Variants in SUCLG2 observed in about 807,000 individuals in gnomAD.
The protein encoded by SUCLG2 is succinate-CoA ligase GDP-forming subunit beta.
Under a neutral mutation model 47.9 loss-of-function variants are expected in SUCLG2, and 42 were observed. That is an observed-to-expected ratio of 0.88 (90% CI 0.69 to 1.14). SUCLG2 has a LOEUF of 1.14. SUCLG2 is among the 50% of genes most tolerant of loss of function. SUCLG2 has a pLI of 0.00. For missense variants in SUCLG2, 571 were observed against 525.9 expected (o/e 1.09, Z -0.84); for synonymous variants, 195 against 197.3 (o/e 0.99, Z 0.10).
At chr3:67,522,990 C>T (rs1041780216) in intron 4 of SUCLG2, among the ~76,000 whole-genome samples, 5 of 151,874 alleles carry the variant, frequency 3.3e-5, no homozygotes, top group African/African-American at 1.2e-4. Context: ...TTAGTAGAGA[C>T]GGGGTTTCAC....
At chr3:67,423,929 C>T (rs1456773783) in intron 9 of SUCLG2, among the ~76,000 whole-genome samples, 2 of 152,194 alleles carry the variant, frequency 1.3e-5, no homozygotes, top group Non-Finnish European at 2.9e-5. Context: ...CTGATACTAA[C>T]TATACACCAC....
intron 2 of SUCLG2, among the ~76,000 whole-genome samples, chr3:67,538,450 T>G (rs1706607693): frequency 6.6e-6 from 1 of 152,218 alleles, no homozygotes; most frequent in African/African-American, 2.4e-5. Flanking sequence ...CATGCTGTTT[T>G]GGTTCCTGTA....
At chr3:67,600,015 T>C (rs534668938) in intron 2 of SUCLG2, among the ~76,000 whole-genome samples, 100 of 152,358 alleles carry the variant, frequency 6.6e-4, no homozygotes, top group African/African-American at 2.3e-3. Flanking sequence ...CCTTGGGGAA[T>C]AGTGTAGCAT....
intron 4 of SUCLG2, among the ~76,000 whole-genome samples, chr3:67,521,536 C>T (rs895107293): frequency 6.6e-6 from 1 of 150,874 alleles, no homozygotes; most frequent in African/African-American, 2.5e-5. Context: ...GCAAGCATTG[C>T]AGTAATGGAA....
chr3:67,501,446 T>G (rs966581245), intron 7 of SUCLG2, among the ~76,000 whole-genome samples: 1 of 152,212 alleles, frequency 6.6e-6, no homozygotes, highest in African/African-American at 2.4e-5. Flanking sequence ...CATAGAGCTC[T>G]AAAACCCTTG....
At chr3:67,395,464 A>G (rs553099310) in intron 10 of SUCLG2, among the ~76,000 whole-genome samples, 20 of 152,344 alleles carry the variant, frequency 1.3e-4, no homozygotes, top group African/African-American at 4.8e-4. Context: ...ATTCAACAAG[A>G]AGAACTAACT....
At chr3:67,467,415 C>T (rs1365181312) in intron 9 of SUCLG2, among the ~76,000 whole-genome samples, 1 of 152,178 alleles carries the variant, frequency 6.6e-6, no homozygotes, top group Non-Finnish European at 1.5e-5. Context: ...ACAACTTTGA[C>T]AGGTGAAGCG....
intron 4 of SUCLG2, among the ~76,000 whole-genome samples, chr3:67,526,996 G>A (rs1037687657): frequency 1.3e-5 from 2 of 152,240 alleles, no homozygotes; most frequent in East Asian, 3.9e-4. Flanking sequence ...TTGCTACATA[G>A]CAAGAAAAAG....
Position 67,524,100 on chromosome 3 carries a change from G to A in SUCLG2, c.418-3466C>T, listed in dbSNP as rs144345400. ...CAACAAAGACCAGTTTGTTGACATCGTCATGCCTTCCAAATGACCGAGGAT... is the reference window on the plus strand; with the variant it reads ...CAACAAAGACCAGTTTGTTGACATCATCATGCCTTCCAAATGACCGAGGAT... On this transcript the variant is annotated intron_variant, in intron 4 of 10. Transcript: ENST00000307227. Among the ~76,000 whole-genome samples, 954 of 152,224 alleles carry A rather than the reference G, an allele frequency of 6.3e-3. 9 individuals carry two copies. Among genetic ancestry groups the A allele is most frequent in the African/African-American group, 0.021 (868 of 41,544 alleles).
chr3:67,572,463 A>G (rs1404598914), intron 2 of SUCLG2, among the ~76,000 whole-genome samples: 3 of 152,212 alleles, frequency 2.0e-5, no homozygotes, highest in Non-Finnish European at 4.4e-5. Context: ...TTTCTGCTTG[A>G]GCTTCAACAA....
chr3:67,596,246 T>G lies in SUCLG2; in HGVS notation c.226+13209A>C, dbSNP rs1708289831. Among the ~76,000 whole-genome samples the G allele has an allele frequency of 5.3e-5, 8 of 152,146 alleles. No individual in the cohort carries two copies. In the South Asian group the frequency reaches 1.7e-3, roughly 32 times the overall value. On this transcript the variant is annotated intron_variant, in intron 2 of 10. Transcript: ENST00000307227. Reference sequence around the variant, plus strand: ...ATCGGAAAACACCTCTCTCTTCCCCTCAACACAAGTAACTAGCTTTACATA... The same window carrying G: ...ATCGGAAAACACCTCTCTCTTCCCCGCAACACAAGTAACTAGCTTTACATA...
At position 67,375,229 on chromosome 3, in the gene SUCLG2, G is replaced by A; in HGVS notation, c.*515C>T. ...GAATTAGAAACCTGTAAAATCTGCA[G>A]TAGTGTGTAATAGCTATTTGCTTGA... On this transcript the variant is annotated 3_prime_UTR_variant, in exon 11 of 11. Coordinates refer to ENST00000307227, the MANE Select transcript of SUCLG2 (RefSeq NM_003848.4). The A allele has an allele frequency of 1.0e-6, 1 of 985,858 alleles. No individual in the cohort carries two copies. Among genetic ancestry groups the A allele is most frequent in the Non-Finnish European group, 1.2e-6 (1 of 829,942 alleles). 61.1% of individuals were successfully genotyped at this position (985,858 alleles called of 1,614,324 possible).
Position 67,375,303 on chromosome 3 carries a change from A to G in SUCLG2, c.*441T>C, listed in dbSNP as rs4241438. The G allele has an allele frequency of 0.93, 915,741 of 982,308 alleles. 427,159 individuals carry two copies. Among genetic ancestry groups the G allele is most frequent in the East Asian group, 0.98 (8,660 of 8,804 alleles). The allele number at this position is 982,308 out of a possible 1,614,324, so 60.8% of individuals were successfully genotyped here. The stretch of plus-strand genomic sequence containing the variant: ...TAGCTAATATGTTCAGTGTAATCTT[A>G]TGCCTTTTTAGTAATTAATATATTA... On this transcript the variant is annotated 3_prime_UTR_variant, in exon 11 of 11. Coordinates refer to ENST00000307227, the MANE Select transcript of SUCLG2 (RefSeq NM_003848.4).
chr3:67,624,182 T>C (rs902626695), intron 1 of SUCLG2, among the ~76,000 whole-genome samples: 2 of 152,248 alleles, frequency 1.3e-5, no homozygotes, highest in Admixed American at 6.5e-5. Flanking sequence ...CACTTCTTTA[T>C]AGCGGCAGTT....
chr3:67,433,245 A>C (rs1348471761), intron 9 of SUCLG2, among the ~76,000 whole-genome samples: 1 of 152,118 alleles, frequency 6.6e-6, no homozygotes, highest in African/African-American at 2.4e-5. Context: ...TCCAGGAGAA[A>C]CCACTTCATA....
chr3:67,408,058 A>C (rs1407837108), intron 9 of SUCLG2, among the ~76,000 whole-genome samples: 1 of 152,208 alleles, frequency 6.6e-6, no homozygotes, highest in Non-Finnish European at 1.5e-5. Context: ...TGAGGAATTC[A>C]ATCTTGGGCT....
intron 2 of SUCLG2, among the ~76,000 whole-genome samples, chr3:67,530,684 C>T (rs1254868498): frequency 1.3e-5 from 2 of 152,220 alleles, no homozygotes; most frequent in Non-Finnish European, 2.9e-5. Context: ...TGCTTACACT[C>T]AGAAAGCTGA....
chr3:67,456,517 T>C (rs925199997), intron 9 of SUCLG2, among the ~76,000 whole-genome samples: 1 of 152,110 alleles, frequency 6.6e-6, no homozygotes, highest in East Asian at 1.9e-4. Flanking sequence ...AGGAACAGAG[T>C]TGCCCTGTGA....
chr3:67,389,659 G>A (rs1489401000), intron 10 of SUCLG2, among the ~76,000 whole-genome samples: 2 of 150,990 alleles, frequency 1.3e-5, no homozygotes, highest in African/African-American at 2.4e-5. Flanking sequence ...TCTACATTTA[G>A]TTGTAGTTTA....
Sources: allele counts gnomAD v4.1 joint callset (sites outside exome capture counted in the v4.1 genomes callset), GRCh38; gene constraint gnomAD v4.1.1; transcripts MANE v1.5; gene names NCBI Gene and HGNC (gene_info 2026-07-23, HGNC 2026-07-21).